NSD2: variants seen among roughly 807,000 people sequenced by gnomAD.
NSD2 encodes nuclear receptor binding SET domain protein 2.
In NSD2, 12 loss-of-function variants were observed where a neutral mutation model predicts 139.0. The ratio of observed to expected loss-of-function variants is 0.09; its 90% CI spans 0.06 to 0.14. NSD2 has a LOEUF of 0.14. Ranked by LOEUF, NSD2 falls within the 10% of genes least tolerant of loss-of-function variation. The pLI, the probability that NSD2 is intolerant of heterozygous loss-of-function variation, is 1.00. For missense variants in NSD2, 1,155 were observed against 1,745.0 expected, an observed-to-expected ratio of 0.66 and a Z score of 6.02; for synonymous variants, 669 against 648.7, an observed-to-expected ratio of 1.03 and a Z score of -0.48.
chr4:1,964,193 C>T (rs1179348363), intron 18 of NSD2, among the ~76,000 whole-genome samples: 2 of 152,100 alleles, frequency 1.3e-5, no homozygotes, highest in African/African-American at 2.4e-5. Flanking sequence ...GAGCTTTAGA[C>T]GCCACAAGAA....
chr4:1,875,840 C>T (rs554254196), intron 1 of NSD2, among the ~76,000 whole-genome samples: 5 of 151,026 alleles, frequency 3.3e-5, no homozygotes, highest in Admixed American at 1.3e-4. Flanking sequence ...ACCCAGGAGG[C>T]GGAGCTTGCA....
At chr4:1,882,678 AC>A (rs2108679963) in intron 1 of NSD2, among the ~76,000 whole-genome samples, 1 of 152,172 alleles carries the variant, frequency 6.6e-6, no homozygotes, top group East Asian at 1.9e-4. Context: ...AACAACAACA[AC>A]AACAACAACA....
At chr4:1,915,101 CTTTTTTTCTCTTTTTTTTTT>C (rs1404617101) in intron 3 of NSD2, among the ~76,000 whole-genome samples, 1 of 137,816 alleles carries the variant, frequency 7.3e-6, no homozygotes. Flanking sequence ...TGAATTTTTT[CTTTTTTTCTCTTTTTTTTTT>C]TTTTTTTTTT....
rs914932840 is a variant in NSD2, at chr4:1,958,202, G to A, written c.2985+166G>A. On this transcript the variant is annotated intron_variant, in intron 16 of 21. Transcript: ENST00000508803. This position sits in a 1 kb window ranked among gnomAD's most constrained non-coding sequence, Gnocchi z 4.6. ...ACAAGAGACCATGAGCAAATGGCATGGGGGGATCTGCATGGGGGTTCTTGG... is the reference window on the plus strand; with the variant it reads ...ACAAGAGACCATGAGCAAATGGCATAGGGGGATCTGCATGGGGGTTCTTGG... Among the ~76,000 whole-genome samples, 1 of 152,218 alleles carries A rather than the reference G, an allele frequency of 6.6e-6. No homozygotes were observed. Among genetic ancestry groups the A allele is most frequent in the Non-Finnish European group, 1.5e-5 (1 of 68,034 alleles).
At position 1,904,221 on chromosome 4, in the gene NSD2, A is replaced by G; in HGVS notation, c.603A>G (p.Pro201=). The change falls in exon 3 of 22, where the codon CCA becomes CCG. Residue 201 remains proline (P), a synonymous_variant. Coordinates refer to ENST00000508803, the MANE Select transcript of NSD2 (RefSeq NM_001042424.3). The stretch of plus-strand genomic sequence containing the variant: ...CTTCTGTTGTTCATTTTCAGATTCC[A>G]GCTAAGAAAGAGTCTTGTCCAAACA... ...KISSPSDKKI[P]AKKESCPNTG... 6.2e-7 allele frequency: 1 copy of G among 1,612,818 alleles called. No homozygotes were observed. Among genetic ancestry groups the G allele is most frequent in the Non-Finnish European group, 8.5e-7 (1 of 1,179,202 alleles).
chr4:1,960,813 A>T (rs895105253), intron 17 of NSD2, among the ~76,000 whole-genome samples: 1 of 152,202 alleles, frequency 6.6e-6, no homozygotes, highest in Admixed American at 6.5e-5. Flanking sequence ...GCATATTGCC[A>T]CTTCGTGAAT....
At chr4:1,877,896 C>T (rs1714378436) in intron 1 of NSD2, among the ~76,000 whole-genome samples, 1 of 152,030 alleles carries the variant, frequency 6.6e-6, no homozygotes, top group African/African-American at 2.4e-5. Context: ...GGTACTATTA[C>T]AGTTTATCTG....
At chr4:1,887,681 T>C (rs1278390619) in intron 1 of NSD2, 1 of 152,224 alleles carries the variant, frequency 6.6e-6, no homozygotes, top group Middle Eastern at 3.2e-3. Context: ...TACCACACTT[T>C]TATAGCAAGG....
At chr4:1,938,396 C>CTTTTTTTTTTTTTTTTTTTTTTTTTTTTT in intron 7 of NSD2, 55 bp from the exon 8 acceptor site, 1 of 988,394 alleles carries the variant, frequency 1.0e-6, no homozygotes, top group South Asian at 2.9e-5. Context: ...TCCTTTTTTT[C>CTTTTTTTTTTTTTTTTTTTTTTTTTTTTT]TTTTCTTTTT....
At position 1,981,078 on chromosome 4, in the gene NSD2, T is replaced by C. The variant is rs1281683964; in HGVS notation, c.*2169T>C. 4.3e-6 allele frequency: 1 copy of C among 233,146 alleles called. No homozygotes were observed. Among genetic ancestry groups the C allele is most frequent in the East Asian group, 6.0e-5 (1 of 16,594 alleles). 14.4% of individuals were successfully genotyped at this position (233,146 alleles called of 1,614,324 possible). A position where few individuals can be genotyped will look rare whatever the true frequency, so the allele number is the denominator to read the frequency against. On this transcript the variant is annotated 3_prime_UTR_variant, in exon 22 of 22. Coordinates refer to ENST00000508803, the MANE Select transcript of NSD2 (RefSeq NM_001042424.3). ...TGCAGTGCACTTTGGGGAGCAGATA[T>C]TAACTTATTTTTGTGTTGGACAGTA...
rs539699242 is a variant in NSD2, at chr4:1,896,352, G to A, written c.-29-4274G>A. On this transcript the variant is annotated intron_variant, in intron 1 of 21. Coordinates refer to ENST00000508803, the MANE Select transcript of NSD2 (RefSeq NM_001042424.3). The stretch of plus-strand genomic sequence containing the variant: ...GACTGCTGTTCCCTTTTCATTTCTA[G>A]ACCTGGAGATTCTCTCTATTGCTTT... Among the ~76,000 whole-genome samples, 4 of 152,356 alleles carry A rather than the reference G, an allele frequency of 2.6e-5. No homozygotes were observed. In the South Asian group the frequency reaches 8.3e-4, roughly 32 times the overall value.
At chr4:1,929,643 A>G (rs1721396707) in intron 5 of NSD2, among the ~76,000 whole-genome samples, 2 of 152,194 alleles carry the variant, frequency 1.3e-5, no homozygotes, top group Non-Finnish European at 2.9e-5. Context: ...CTTTGTGGGC[A>G]CTGTTGTTTG....
intron 9 of NSD2, 82 bp downstream of exon 9, chr4:1,939,860 A>T: frequency 6.2e-7 from 1 of 1,605,260 alleles, no homozygotes; most frequent in Non-Finnish European, 8.5e-7. Context: ...AGTAATGCTC[A>T]GACTTCATAA....
intron 6 of NSD2, among the ~76,000 whole-genome samples, chr4:1,932,484 C>T (rs1421865416): frequency 7.7e-4 from 117 of 151,508 alleles, no homozygotes; most frequent in Non-Finnish European, 2.2e-4. Context: ...CAGTGGCTCC[C>T]GCCTGTAATC....
chr4:1,901,972 G>T (rs371488225), intron 2 of NSD2, among the ~76,000 whole-genome samples: 6 of 152,282 alleles, frequency 3.9e-5, no homozygotes, highest in African/African-American at 1.4e-4. Context: ...TGGCACTCGG[G>T]ATGGCCCTGA....
chr4:1,887,153 G>A (rs1715174707), intron 1 of NSD2, among the ~76,000 whole-genome samples: 1 of 152,190 alleles, frequency 6.6e-6, no homozygotes, highest in Admixed American at 6.6e-5. Flanking sequence ...TCAACTGTGA[G>A]AGTTCAGTAG....
rs115019641 is a variant in NSD2, at chr4:1,898,719, G to A, written c.-29-1907G>A. ...TTTTTTTTTTTTTGTCCAGCAGCTG[G>A]AATCTCTTTTCAGTTATTTCATAAA... is the stretch of plus-strand genomic sequence containing the variant. On this transcript the variant is annotated intron_variant, in intron 1 of 21. Transcript: ENST00000508803. 9.1e-3 allele frequency among the ~76,000 whole-genome samples: 1,350 copies of A among 148,118 alleles called. 26 individuals are homozygous for A. Among genetic ancestry groups the A allele is most frequent in the African/African-American group, 0.032 (1,285 of 40,042 alleles).
intron 3 of NSD2, among the ~76,000 whole-genome samples, chr4:1,915,467 C>G (rs974159334): frequency 6.6e-6 from 1 of 152,148 alleles, no homozygotes; most frequent in African/African-American, 2.4e-5. Context: ...CTTTGTTTTT[C>G]TGTGTTCTCT....
At chr4:1,898,878 T>C (rs192661924) in intron 1 of NSD2, among the ~76,000 whole-genome samples, 2 of 152,162 alleles carry the variant, frequency 1.3e-5, no homozygotes, top group African/African-American at 4.8e-5. Flanking sequence ...CTCTCCTCAG[T>C]CACACATTTC....
Sources: gnomAD v4.1 joint callset for allele counts (sites outside exome capture counted in the v4.1 genomes callset) on GRCh38, gnomAD v4.1.1 for gene constraint, Gnocchi (gnomAD v3.1) non-coding constraint, MANE v1.5 for transcripts, NCBI Gene and HGNC (gene_info 2026-07-23, HGNC 2026-07-21) for gene names.